The following KIAA1217 variants were observed in gnomAD, a reference collection of about 807,000 sequenced individuals.
KIAA1217 encodes the protein KIAA1217, also known as sickle tail protein homolog.
A neutral mutation model predicts 163.9 loss-of-function variants in KIAA1217; 88 were observed. The observed-to-expected ratio is 0.54, with a 90% CI of 0.45 to 0.64. KIAA1217 has a LOEUF of 0.64. Ranked by LOEUF, KIAA1217 falls within the 30% of genes least tolerant of loss-of-function variation. The pLI is 0.00. For synonymous variants in KIAA1217, 903 were observed against 923.1 expected (o/e 0.98, Z 0.39); for missense variants, 2,372 against 2,475.0 (o/e 0.96, Z 0.88).
At position 24,178,369 on chromosome 10, in the gene KIAA1217, A is replaced by T. The variant is rs142115566; in HGVS notation, c.-170-41257A>T. 2.0e-5 allele frequency among the ~76,000 whole-genome samples: 3 copies of T among 152,374 alleles called. No individual in the cohort carries two copies. In the East Asian group the frequency reaches 5.8e-4, roughly 29 times the overall value. On this transcript the variant is annotated intron_variant, in intron 2 of 18. Coordinates refer to the KIAA1217 transcript ENST00000376462. ...AAGGAATCCTATCCCCATTTCATGG[A>T]TGAAGAATCTGCAGTTGAGTTGGGA... is the stretch of plus-strand genomic sequence containing the variant.
chr10:24,295,601 G>T (rs2040498516), intron 2 of KIAA1217, among the ~76,000 whole-genome samples: 1 of 152,056 alleles, frequency 6.6e-6, no homozygotes, highest in Non-Finnish European at 1.5e-5. Flanking sequence ...TTCCCCAGTT[G>T]TTCTCAGGCC....
intron 7 of KIAA1217, 126 bp downstream of exon 7, chr10:24,494,730 A>G (rs2066559641): frequency 9.7e-6 from 7 of 722,616 alleles, no homozygotes; most frequent in African/African-American, 1.8e-5. Flanking sequence ...TCACATCTCT[A>G]TGGATCATGG....
At chr10:23,713,483 G>T (rs1837388434) in intron 1 of KIAA1217, among the ~76,000 whole-genome samples, 2 of 152,122 alleles carry the variant, frequency 1.3e-5, no homozygotes, top group Admixed American at 6.5e-5. Flanking sequence ...TATTATCATG[G>T]TCCTTTTGGT....
chr10:23,827,878 T>G (rs1837975718), intron 1 of KIAA1217, among the ~76,000 whole-genome samples: 1 of 151,698 alleles, frequency 6.6e-6, no homozygotes, highest in African/African-American at 2.4e-5. Context: ...TGACTTCCCC[T>G]GGGGGGAGGT....
chr10:23,848,165 G>C (rs139510555), intron 1 of KIAA1217, among the ~76,000 whole-genome samples: 1 of 152,184 alleles, frequency 6.6e-6, no homozygotes, highest in East Asian at 1.9e-4. Context: ...GTGTGATGAG[G>C]TGCTGAGAAG....
chr10:23,799,716 C>A (rs1425380816), intron 1 of KIAA1217, among the ~76,000 whole-genome samples: 1 of 152,144 alleles, frequency 6.6e-6, no homozygotes, highest in Admixed American at 6.6e-5. Context: ...TGTACACAAG[C>A]CCACTGGGCT....
intron 5 of KIAA1217, among the ~76,000 whole-genome samples, chr10:24,444,721 T>A (rs551814343): frequency 8.5e-5 from 13 of 152,186 alleles, no homozygotes; most frequent in African/African-American, 3.1e-4. Flanking sequence ...CCAGAAATAG[T>A]TGTGCTTCTC....
At chr10:23,764,599 G>A (rs1306957176) in intron 1 of KIAA1217, among the ~76,000 whole-genome samples, 1 of 152,168 alleles carries the variant, frequency 6.6e-6, no homozygotes, top group Non-Finnish European at 1.5e-5. Context: ...ATACACTATG[G>A]AATACTATGC....
chr10:24,516,582 T>C (rs186217130), intron 10 of KIAA1217, among the ~76,000 whole-genome samples: 24 of 152,342 alleles, frequency 1.6e-4, no homozygotes, highest in African/African-American at 5.3e-4. Context: ...AGGAAGACAC[T>C]GAGTGTTTGG....
At chr10:23,974,648 C>T (rs1167465583) in intron 1 of KIAA1217, among the ~76,000 whole-genome samples, 3 of 151,886 alleles carry the variant, frequency 2.0e-5, no homozygotes, top group East Asian at 1.9e-4. Context: ...ATAGTGACAC[C>T]TCGTGTCTGC....
At chr10:23,707,463 G>C (rs563542873) in intron 1 of KIAA1217, among the ~76,000 whole-genome samples, 1 of 152,234 alleles carries the variant, frequency 6.6e-6, no homozygotes, top group Non-Finnish European at 1.5e-5. Flanking sequence ...TGAAGAACTG[G>C]GGGCCATTGC....
At chr10:23,751,098 G>A (rs975288798) in intron 1 of KIAA1217, among the ~76,000 whole-genome samples, 1 of 151,626 alleles carries the variant, frequency 6.6e-6, no homozygotes, top group Non-Finnish European at 1.5e-5. Flanking sequence ...CATGATCTTA[G>A]CTCACTGCAA....
At chr10:24,538,354 AG>A (rs2074343695) in intron 17 of KIAA1217, among the ~76,000 whole-genome samples, 1 of 152,070 alleles carries the variant, frequency 6.6e-6, no homozygotes, top group African/African-American at 2.4e-5. Context: ...GCTATATCCA[AG>A]GGGGGTTATT....
At chr10:24,070,485 A>G (rs1334434236) in intron 2 of KIAA1217, among the ~76,000 whole-genome samples, 10 of 152,226 alleles carry the variant, frequency 6.6e-5, no homozygotes, top group Non-Finnish European at 4.4e-5. Flanking sequence ...TAGTAATACA[A>G]ATAATACAAG....
At chr10:24,037,614 G>A (rs368255265) in intron 2 of KIAA1217, among the ~76,000 whole-genome samples, 1 of 152,222 alleles carries the variant, frequency 6.6e-6, no homozygotes, top group African/African-American at 2.4e-5. Context: ...AGATGGGCAA[G>A]TTGCCTGTTG....
intron 1 of KIAA1217, among the ~76,000 whole-genome samples, chr10:23,820,441 T>G (rs1266419855): frequency 1.3e-5 from 2 of 152,240 alleles, no homozygotes; most frequent in Non-Finnish European, 2.9e-5. Context: ...TTAACTGTGC[T>G]TCATCTCACT....
At chr10:23,789,123 A>C (rs1445180362) in intron 1 of KIAA1217, among the ~76,000 whole-genome samples, 1 of 152,240 alleles carries the variant, frequency 6.6e-6, no homozygotes, top group Non-Finnish European at 1.5e-5. Flanking sequence ...TTGTGAAATA[A>C]ATTAGTAAGT....
At chr10:24,437,245 C>T (rs1466749085) in intron 4 of KIAA1217, among the ~76,000 whole-genome samples, 1 of 152,156 alleles carries the variant, frequency 6.6e-6, no homozygotes. Flanking sequence ...TTCATATTCA[C>T]CCAGCCCCCT....
intron 1 of KIAA1217, among the ~76,000 whole-genome samples, chr10:23,958,664 A>G (rs1355655402): frequency 6.6e-6 from 1 of 152,102 alleles, no homozygotes; most frequent in East Asian, 1.9e-4. Context: ...AGAGAAAGAG[A>G]GAGAGAGAGA....
Sources: allele counts gnomAD v4.1 joint callset (sites outside exome capture counted in the v4.1 genomes callset), GRCh38; gene constraint gnomAD v4.1.1; transcripts MANE v1.5; gene names NCBI Gene and HGNC (gene_info 2026-07-23, HGNC 2026-07-21).